The following ARNT2 variants were observed in gnomAD, a reference collection of about 807,000 sequenced individuals.
ARNT2 encodes ARNT protein 2.
A neutral mutation model predicts 91.7 loss-of-function variants in ARNT2; 36 were observed. That is an observed-to-expected ratio of 0.39 (90% confidence interval 0.30 to 0.52). The LOEUF (loss-of-function observed/expected upper bound fraction) is 0.52, where lower values mean the gene tolerates loss of function less well. Among genes scored for constraint, ARNT2 ranks in the 20% least tolerant of loss-of-function variants. ARNT2 has a pLI of 0.72. For missense variants in ARNT2, 775 were observed against 939.3 expected (o/e 0.83, Z 2.29); for synonymous variants, 365 against 347.1 (o/e 1.05, Z -0.57).
At chr15:80,509,114 G>A (rs149923966) in intron 6 of ARNT2, among the ~76,000 whole-genome samples, 42 of 152,234 alleles carry the variant, frequency 2.8e-4, no homozygotes, top group Admixed American at 5.9e-4. Context: ...CCTGTGCCAC[G>A]TGCTCTTCAA....
chr15:80,543,325 A>T (rs1897942371), intron 8 of ARNT2, among the ~76,000 whole-genome samples: 2 of 152,104 alleles, frequency 1.3e-5, no homozygotes, highest in African/African-American at 4.8e-5. Flanking sequence ...GAGAGATTAG[A>T]TCACTCTAAC....
At chr15:80,519,860 AT>A (rs539637778) in intron 8 of ARNT2, among the ~76,000 whole-genome samples, 3,408 of 119,246 alleles carry the variant, frequency 0.029, 110 homozygotes, top group African/African-American at 0.089. Context: ...AATTTTTTGT[AT>A]TTTTTTTTTT....
intron 11 of ARNT2, chr15:80,555,603 G>A (rs1898168572): frequency 1.3e-5 from 2 of 156,498 alleles, no homozygotes; most frequent in South Asian, 4.0e-4. Context: ...GATAGAATGA[G>A]CCTGGTACAG....
intron 3 of ARNT2, among the ~76,000 whole-genome samples, chr15:80,463,699 C>T (rs571201796): frequency 1.3e-5 from 2 of 152,010 alleles, no homozygotes; most frequent in East Asian, 1.9e-4. Context: ...CTGCCTCAGC[C>T]TCCGGAGTAG....
At chr15:80,474,873 G>A in intron 4 of ARNT2, 137 bp from the exon 5 acceptor site, 5 of 922,840 alleles carry the variant, frequency 5.4e-6, no homozygotes, top group Non-Finnish European at 8.3e-6. Flanking sequence ...CAGAAACAAA[G>A]TTCTCATTTC....
intron 5 of ARNT2, among the ~76,000 whole-genome samples, chr15:80,492,029 CTTCT>C (rs971208913): frequency 3.7e-4 from 56 of 151,720 alleles, no homozygotes; most frequent in African/African-American, 9.7e-4. Flanking sequence ...GCAGAGTGTC[CTTCT>C]TTCTTTCTTT....
Position 80,417,852 on chromosome 15 carries a change from G to C in ARNT2, c.31+13306G>C, listed in dbSNP as rs538737837. ...GCACTAGGGCTGTTCTGTGTGCTTG[G>C]GATTCAGAGGTGGACAAGGCATTGC... On this transcript the variant is annotated intron_variant, in intron 1 of 18. Transcript: ENST00000303329. 2.6e-5 allele frequency among the ~76,000 whole-genome samples: 4 copies of C among 152,282 alleles called. No homozygotes were observed. The South Asian group carries it at 8.3e-4, about 32-fold the overall frequency.
chr15:80,418,019 G>A (rs114100885), intron 1 of ARNT2, among the ~76,000 whole-genome samples: 1 of 152,134 alleles, frequency 6.6e-6, no homozygotes, highest in Non-Finnish European at 1.5e-5. Flanking sequence ...CCAATGTTTG[G>A]GATGGTACCT....
chr15:80,452,593 G>A (rs1243386590), intron 2 of ARNT2, among the ~76,000 whole-genome samples: 1 of 152,170 alleles, frequency 6.6e-6, no homozygotes, highest in East Asian at 1.9e-4. Flanking sequence ...ACTCTAACTC[G>A]CATTCCCTGA....
At position 80,494,805 on chromosome 15, in the gene ARNT2, G is replaced by A. The variant is rs535846090; in HGVS notation, c.623-13351G>A. ...GTTGGAGTTCTCTGCCCGTTGGTAT[G>A]GACTGACCCCAAATGTGCCAGTCTT... On this transcript the variant is annotated intron_variant, in intron 5 of 18. Coordinates refer to ENST00000303329, the MANE Select transcript of ARNT2 (RefSeq NM_014862.4). Among the ~76,000 whole-genome samples the A allele has an allele frequency of 2.6e-5, 4 of 152,282 alleles. No individual in the cohort carries two copies. In the South Asian group the frequency reaches 8.3e-4, roughly 32 times the overall value.
chr15:80,501,615 C>T (rs1897193500), intron 5 of ARNT2, among the ~76,000 whole-genome samples: 1 of 152,202 alleles, frequency 6.6e-6, no homozygotes, highest in South Asian at 2.1e-4. Context: ...GCCGTCTCTC[C>T]CTCCAGCAGC....
Position 80,493,335 on chromosome 15 carries a change from A to G in ARNT2, c.623-14821A>G, listed in dbSNP as rs577999506. On this transcript the variant is annotated intron_variant, in intron 5 of 18. Coordinates refer to ENST00000303329, the MANE Select transcript of ARNT2 (RefSeq NM_014862.4). ...TACATGAGCTTTGGAGGACACATTCAAACCACAGCAAGTGGCGGGGGGTGG... is the reference window on the plus strand; with the variant it reads ...TACATGAGCTTTGGAGGACACATTCGAACCACAGCAAGTGGCGGGGGGTGG... Among the ~76,000 whole-genome samples, 4 of 147,808 alleles carry G rather than the reference A, an allele frequency of 2.7e-5. No homozygotes were observed. The South Asian group carries it at 6.9e-4, about 26-fold the overall frequency.
intron 17 of ARNT2, 93 bp downstream of exon 17, chr15:80,581,497 A>G: frequency 6.6e-7 from 1 of 1,524,338 alleles, no homozygotes; most frequent in Non-Finnish European, 9.0e-7. Context: ...CCAAGCTCCC[A>G]GCTACCAAAA....
chr15:80,574,367 C>T, intron 13 of ARNT2, 147 bp downstream of exon 13: 1 of 733,450 alleles, frequency 1.4e-6, no homozygotes, highest in Non-Finnish European at 2.3e-6. Context: ...TACAGGTCCC[C>T]TGGGGGTCTG....
chr15:80,535,426 G>T (rs1596002618), intron 8 of ARNT2, among the ~76,000 whole-genome samples: 2 of 152,154 alleles, frequency 1.3e-5, no homozygotes, highest in East Asian at 3.9e-4. Flanking sequence ...TTATTCTTTT[G>T]TCAGTTTTGC....
In ARNT2 at chr15:80,478,014, C is replaced by T. The variant is rs556020760; in HGVS notation, c.622+2791C>T. On this transcript the variant is annotated intron_variant, in intron 5 of 18. Coordinates refer to ENST00000303329, the MANE Select transcript of ARNT2 (RefSeq NM_014862.4). ...AAGCTTTGATGTTCTTGTAAAACAG[C>T]GATGCTGAAATAGGCTCAGAAAGAC... is the stretch of plus-strand genomic sequence containing the variant. 8.5e-5 allele frequency among the ~76,000 whole-genome samples: 13 copies of T among 152,272 alleles called. No individual in the cohort carries two copies. The East Asian group carries it at 2.3e-3, about 27-fold the overall frequency.
At chr15:80,569,373 A>C (rs750611483) in intron 12 of ARNT2, among the ~76,000 whole-genome samples, 3 of 152,190 alleles carry the variant, frequency 2.0e-5, no homozygotes, top group Non-Finnish European at 2.9e-5. Flanking sequence ...ATGTGCTGTC[A>C]GTCAGTTTTC....
intron 8 of ARNT2, 31 bp from the exon 9 acceptor site, chr15:80,551,168 T>C (rs750861753): frequency 1.6e-5 from 26 of 1,594,704 alleles, no homozygotes; most frequent in East Asian, 2.2e-5. Context: ...CTTGGGCATA[T>C]TGTTGATGAC....
At chr15:80,410,843 A>ATC (rs141467598) in intron 1 of ARNT2, among the ~76,000 whole-genome samples, 5,301 of 146,168 alleles carry the variant, frequency 0.036, 287 homozygotes, top group African/African-American at 0.13. Context: ...TCTGTCTACC[A>ATC]TCTCTCTCTC....
Sources: allele counts gnomAD v4.1 joint callset (sites outside exome capture counted in the v4.1 genomes callset), GRCh38; gene constraint gnomAD v4.1.1; transcripts MANE v1.5; gene names NCBI Gene and HGNC (gene_info 2026-07-23, HGNC 2026-07-21).